Variants in KLK3 observed in about 807,000 individuals in gnomAD.
KLK3 encodes kallikrein related peptidase 3.
A neutral mutation model predicts 27.7 loss-of-function variants in KLK3; 23 were observed. That is an observed-to-expected ratio of 0.83 (90% CI 0.60 to 1.17). The LOEUF (loss-of-function observed/expected upper bound fraction) is 1.17, where lower values mean the gene tolerates loss of function less well. Among genes scored for constraint, KLK3 ranks in the 50% most tolerant of loss-of-function variants. The pLI is 0.00. For synonymous variants in KLK3, 142 were observed against 134.2 expected (o/e 1.06, Z -0.40); for missense variants, 322 against 338.1 (o/e 0.95, Z 0.37).
intron 2 of KLK3, 182 bp downstream of exon 2, chr19:50,856,581 G>A: frequency 1.6e-6 from 1 of 615,312 alleles, no homozygotes. Flanking sequence ...TGGCTGCCTG[G>A]GTCTCCATCT....
Position 50,860,048 on chromosome 19 carries a change from T to C in KLK3, c.707T>C (p.Leu236Pro). 6.2e-7 allele frequency: 1 copy of C among 1,614,136 alleles called. No homozygotes were observed. Reference sequence around the variant, plus strand: ...TCATGGGGCAGTGAACCATGTGCCCTGCCCGAAAGGCCTTCCCTGTACACC... The same window carrying C: ...TCATGGGGCAGTGAACCATGTGCCCCGCCCGAAAGGCCTTCCCTGTACACC... ...ITSWGSEPCA[L>P]PERPSLYTKV... Residue 236 changes from leucine to proline, a missense_variant, in exon 5 of 5, where the codon CTG becomes CCG. By Grantham distance (98) the Leu-to-Pro change is moderately conservative. Transcript: ENST00000326003.
At chr19:50,859,661 G>T in intron 4 of KLK3, 1 of 1,605,708 alleles carries the variant, frequency 6.2e-7, no homozygotes, top group Non-Finnish European at 8.5e-7. Context: ...GAGCCACGGG[G>T]ACAGCATCCT....
rs1336910940 is a variant in KLK3, at chr19:50,854,976, C to T, written c.21C>T (p.Phe7=). MWVPVV[F]LTLSVTWIGA... is the part of the protein sequence containing the mutation. ...TCACCATGTGGGTCCCGGTTGTCTT[C>T]CTCACCCTGTCCGTGACGTGGATTG... The change falls in exon 1 of 5, where the codon TTC becomes TTT. Residue 7 remains phenylalanine, a synonymous_variant. Transcript: ENST00000326003. 3 of 1,613,788 alleles carry T rather than the reference C, an allele frequency of 1.9e-6. No individual in the cohort carries two copies. Among genetic ancestry groups the T allele is most frequent in the South Asian group, 1.1e-5 (1 of 91,086 alleles).
intron 1 of KLK3, chr19:50,855,302 C>G (rs944077531): frequency 2.9e-5 from 14 of 477,490 alleles, no homozygotes; most frequent in African/African-American, 2.7e-4. Context: ...CCGTGTTTCT[C>G]TTTGTGGGGC....
chr19:50,857,902 T>A, intron 2 of KLK3, 127 bp from the exon 3 acceptor site: 1 of 1,044,162 alleles, frequency 9.6e-7, no homozygotes, highest in Non-Finnish European at 1.4e-6. Context: ...CTGAACTGTG[T>A]CTTCCCCAAC....
rs538849894 is a variant in KLK3, at chr19:50,860,549, A to C, written c.*422A>C. 32 of 154,674 alleles carry C rather than the reference A, an allele frequency of 2.1e-4. No homozygotes were observed. In the South Asian group the frequency reaches 6.5e-3, roughly 32 times the overall value. 9.6% of individuals were successfully genotyped at this position (154,674 alleles called of 1,614,324 possible). ...AAGGATGGAGCTGAAAACATAACCCACTCTGTCCTGGAGGCACTGGGAAGC... is the reference window on the plus strand; with the variant it reads ...AAGGATGGAGCTGAAAACATAACCCCCTCTGTCCTGGAGGCACTGGGAAGC... On this transcript the variant is annotated 3_prime_UTR_variant, in exon 5 of 5. Coordinates refer to ENST00000326003, the MANE Select transcript of KLK3 (RefSeq NM_001648.2).
chr19:50,855,195 C>G (rs549607819), intron 1 of KLK3, 194 bp downstream of exon 1: 1 of 586,658 alleles, frequency 1.7e-6, no homozygotes, highest in South Asian at 2.1e-5. Flanking sequence ...CACACCAGGT[C>G]CCCGCTCCCT....
chr19:50,859,693 C>T, intron 4 of KLK3: 1 of 1,587,096 alleles, frequency 6.3e-7, no homozygotes, highest in Non-Finnish European at 8.6e-7. Flanking sequence ...TGGCCCTTGT[C>T]CCACCGACCT....
chr19:50,857,978 C>T, intron 2 of KLK3, 51 bp from the exon 3 acceptor site: 1 of 1,550,666 alleles, frequency 6.4e-7, no homozygotes. Flanking sequence ...TGTCCCTTCT[C>T]TCTTTCCTTA....
intron 1 of KLK3, chr19:50,855,304 T>G (rs981960432): frequency 2.3e-5 from 11 of 474,088 alleles, no homozygotes; most frequent in African/African-American, 1.6e-4. Flanking sequence ...GTGTTTCTCT[T>G]TGTGGGGCTC....
Position 50,859,947 on chromosome 19 carries a change from A to C in KLK3, c.631-25A>C, listed in dbSNP as rs759946194. 3.8e-6 allele frequency: 6 copies of C among 1,594,654 alleles called. No homozygotes were observed. In the South Asian group the frequency reaches 4.5e-5, roughly 12 times the overall value. ...GCAGAAACTGGGACTGACCTATCTC[A>C]CTCTCTCCCTGCTTTTACCCTTAGG... On this transcript the variant is annotated intron_variant, in intron 4 of 4. Transcript: ENST00000326003.
chr19:50,855,184 C>T, intron 1 of KLK3, 183 bp downstream of exon 1: 1 of 609,228 alleles, frequency 1.6e-6, no homozygotes, highest in East Asian at 2.8e-5. Context: ...GTCCTCACTC[C>T]CACACCAGGT....
intron 4 of KLK3, chr19:50,858,871 T>C (rs1164473650): frequency 1.8e-6 from 1 of 562,354 alleles, no homozygotes; most frequent in Non-Finnish European, 3.1e-6. Flanking sequence ...GCCTGGGACA[T>C]AGCAGTGAAC....
Position 50,860,410 on chromosome 19 carries a change from GA to G in KLK3, c.*284del. 1 of 294,888 alleles carries G rather than the reference GA, an allele frequency of 3.4e-6. No homozygotes were observed. Among genetic ancestry groups the G allele is most frequent in the South Asian group, 7.5e-5 (1 of 13,332 alleles). 18.3% of individuals were successfully genotyped at this position (294,888 alleles called of 1,614,324 possible). ...GTGTCTGTGTTATTTGTGGGGTACA[GA>G]GATGAAAGAGGGGTGGGATCCACAC... On this transcript the variant is annotated 3_prime_UTR_variant, in exon 5 of 5. Coordinates refer to ENST00000326003, the MANE Select transcript of KLK3 (RefSeq NM_001648.2).
At chr19:50,857,007 CA>C (rs1293587862) in intron 2 of KLK3, among the ~76,000 whole-genome samples, 2 of 151,406 alleles carry the variant, frequency 1.3e-5, no homozygotes, top group African/African-American at 2.4e-5. Flanking sequence ...ACTAAAAATA[CA>C]AAAAATTAGC....
intron 2 of KLK3, chr19:50,856,830 A>T (rs2090150512): frequency 1.2e-5 from 2 of 167,644 alleles, no homozygotes; most frequent in Admixed American, 6.1e-5. Flanking sequence ...CTCCCTACTG[A>T]GCACACGCAT....
Position 50,858,447 on chromosome 19 carries a change from C to T in KLK3, c.494-12C>T. ...GGTCCAGCCCACAACAGTGTTTTTG[C>T]CTGGCCCGTAGTCTTGACCCCAAAG... On this transcript the variant is annotated splice_polypyrimidine_tract_variant and intron_variant, in intron 3 of 4. Coordinates refer to ENST00000326003, the MANE Select transcript of KLK3 (RefSeq NM_001648.2). The T allele has an allele frequency of 6.2e-7, 1 of 1,614,032 alleles. No homozygotes were observed. Among genetic ancestry groups the T allele is most frequent in the Non-Finnish European group, 8.5e-7 (1 of 1,179,930 alleles).
At position 50,856,441 on chromosome 19, in the gene KLK3, C is replaced by A. The variant is rs879003498; in HGVS notation, c.206+42C>A. ...GGTCTGGGGAGCAGGTGTCTGTGTCCCAGAGGAATAACAGCTGGGCATTTT... is the reference window on the plus strand; with the variant it reads ...GGTCTGGGGAGCAGGTGTCTGTGTCACAGAGGAATAACAGCTGGGCATTTT... On this transcript the variant is annotated intron_variant, in intron 2 of 4. Coordinates refer to ENST00000326003, the MANE Select transcript of KLK3 (RefSeq NM_001648.2). The A allele has an allele frequency of 6.3e-6, 10 of 1,597,780 alleles. No individual in the cohort carries two copies. In the South Asian group the frequency reaches 1.0e-4, roughly 16 times the overall value.
rs1599996938 is a variant in KLK3, at chr19:50,860,131, C to T, written c.*4C>T. The T allele has an allele frequency of 3.1e-6, 5 of 1,601,816 alleles. No individual in the cohort carries two copies. The highest frequency in any genetic ancestry group is 1.7e-4 in the Middle Eastern group (1 of 6,012). Reference sequence around the variant, plus strand: ...CACCATCGTGGCCAACCCCTGAGCACCCCTATCAACCCCCTATTGTAGTAA... The same window carrying T: ...CACCATCGTGGCCAACCCCTGAGCATCCCTATCAACCCCCTATTGTAGTAA... On this transcript the variant is annotated 3_prime_UTR_variant, in exon 5 of 5. Transcript: ENST00000326003.
Sources: allele counts gnomAD v4.1 joint callset (sites outside exome capture counted in the v4.1 genomes callset), GRCh38; gene constraint gnomAD v4.1.1; transcripts MANE v1.5; gene names NCBI Gene and HGNC (gene_info 2026-07-23, HGNC 2026-07-21).